L3MBTL4: variants seen among roughly 807,000 people sequenced by gnomAD.
L3MBTL4 encodes lethal(3)malignant brain tumor-like protein 4.
Under a neutral mutation model 84.5 loss-of-function variants are expected in L3MBTL4, and 70 were observed. The observed-to-expected ratio is 0.83, with a 90% CI of 0.68 to 1.01. The LOEUF (loss-of-function observed/expected upper bound fraction) is 1.01. Among genes scored for constraint, L3MBTL4 ranks in the 50% least tolerant of loss-of-function variants. The probability of loss-of-function intolerance (pLI) is 0.00; values close to 1 mark genes in which losing one functional copy is unlikely to be tolerated. For missense variants in L3MBTL4, 715 were observed against 754.8 expected, an observed-to-expected ratio of 0.95 and a Z score of 0.62; for synonymous variants, 274 against 259.8, an observed-to-expected ratio of 1.05 and a Z score of -0.52.
At chr18:6,289,309 A>T (rs957190371) in intron 4 of L3MBTL4, among the ~76,000 whole-genome samples, 2 of 152,192 alleles carry the variant, frequency 1.3e-5, no homozygotes, top group African/African-American at 4.8e-5. Context: ...CTGATACAGG[A>T]CCAGAGTCTA....
At position 6,131,240 on chromosome 18, in the gene L3MBTL4, G is replaced by A. The variant is rs113460192; in HGVS notation, c.1199+6954C>T. On this transcript the variant is annotated intron_variant, in intron 14 of 18. Transcript: ENST00000317931. ...TGCTTGCAAGCACTCCACTGCCTGG[G>A]AGCATTTTCTAGAAAAGCAGCTGAA... 6.1e-3 allele frequency among the ~76,000 whole-genome samples: 933 copies of A among 152,210 alleles called. 5 individuals carry two copies. Among genetic ancestry groups the A allele is most frequent in the Non-Finnish European group, 0.01 (681 of 68,020 alleles).
At chr18:6,043,302 G>A (rs2056481115) in intron 16 of L3MBTL4, among the ~76,000 whole-genome samples, 1 of 151,948 alleles carries the variant, frequency 6.6e-6, no homozygotes, top group South Asian at 2.1e-4. Flanking sequence ...ACAAAGGCCA[G>A]ACTCTCCCTG....
chr18:6,192,327 G>A (rs1026980179), intron 12 of L3MBTL4, among the ~76,000 whole-genome samples: 1 of 152,208 alleles, frequency 6.6e-6, no homozygotes, highest in Non-Finnish European at 1.5e-5. Flanking sequence ...GGATAAGGAA[G>A]AGCAGTGAGT....
chr18:6,228,392 T>C (rs534823663), intron 10 of L3MBTL4, among the ~76,000 whole-genome samples: 6 of 152,270 alleles, frequency 3.9e-5, no homozygotes, highest in African/African-American at 1.2e-4. Flanking sequence ...AATTAATTAA[T>C]TGGGCATCAT....
rs535139041 is a variant in L3MBTL4 at position 6,375,242 on chromosome 18, C to T, written c.-91+39559G>A. Among the ~76,000 whole-genome samples, 7 of 152,172 alleles carry T rather than the reference C, an allele frequency of 4.6e-5. No homozygotes were observed. In the South Asian group the frequency reaches 6.2e-4, roughly 14 times the overall value. ...CATATGTGGACCTAAAATGCCTCTA[C>T]GGCTTGGCTCTCTCTCCCCCATTTA... On this transcript the variant is annotated intron_variant, in intron 1 of 18. Coordinates refer to ENST00000317931, the MANE Select transcript of L3MBTL4 (RefSeq NM_001330559.2).
intron 16 of L3MBTL4, among the ~76,000 whole-genome samples, chr18:6,072,339 C>T (rs2057688381): frequency 6.6e-6 from 1 of 151,816 alleles, no homozygotes; most frequent in South Asian, 2.1e-4. Flanking sequence ...GAATAAAATT[C>T]AAAATCAATA....
At chr18:5,997,037 G>A (rs1269581164) in intron 16 of L3MBTL4, among the ~76,000 whole-genome samples, 2 of 141,988 alleles carry the variant, frequency 1.4e-5, no homozygotes, top group East Asian at 3.9e-4. Context: ...ACCAATTGCA[G>A]GTTGAAAATA....
chr18:6,241,451 T>G lies in L3MBTL4; in HGVS notation c.461-2A>C. The G allele has an allele frequency of 6.6e-7, 1 of 1,524,514 alleles. No homozygotes were observed. Among genetic ancestry groups the G allele is most frequent in the Non-Finnish European group, 9.0e-7 (1 of 1,109,378 alleles). The allele number at this position is 1,524,514 out of a possible 1,614,324, so 94.4% of individuals were successfully genotyped here. A position where few individuals can be genotyped will look rare whatever the true frequency, so the allele number is the denominator to read the frequency against. On this transcript the variant is annotated splice_acceptor_variant, in intron 7 of 18. Transcript: ENST00000317931. LOFTEE classifies it high-confidence loss of function. ...AAACAAATTTATCTTTTCTATAACC[T>G]AAAAAAAGCACAGATTACTCAAAAT...
At chr18:6,038,889 G>A (rs1192061714) in intron 16 of L3MBTL4, among the ~76,000 whole-genome samples, 2 of 152,054 alleles carry the variant, frequency 1.3e-5, no homozygotes, top group Non-Finnish European at 2.9e-5. Context: ...TTTTGGAGAT[G>A]AGGATTTGGG....
intron 14 of L3MBTL4, among the ~76,000 whole-genome samples, chr18:6,119,898 C>T (rs2059473521): frequency 6.6e-6 from 1 of 152,152 alleles, no homozygotes; most frequent in African/African-American, 2.4e-5. Context: ...ATAAAGGAAG[C>T]AAAAACAGAC....
Position 6,251,685 on chromosome 18 carries a change from T to C in L3MBTL4, c.220-7097A>G, listed in dbSNP as rs142379469. 2.0e-3 allele frequency among the ~76,000 whole-genome samples: 310 copies of C among 152,338 alleles called. 2 individuals are homozygous for C. The highest frequency in any genetic ancestry group is 7.1e-3 in the African/African-American group (295 of 41,576). ...TTAAAGACTTCATAATTTTTAACTT[T>C]TTATTTCATAATTATAAATATAATA... On this transcript the variant is annotated intron_variant, in intron 5 of 18. Transcript: ENST00000317931.
chr18:6,325,527 T>G (rs1406744328), intron 1 of L3MBTL4, among the ~76,000 whole-genome samples: 2 of 152,084 alleles, frequency 1.3e-5, no homozygotes, highest in Admixed American at 6.6e-5. Flanking sequence ...CAAAAGCCCT[T>G]AATATGTACC....
At chr18:6,141,481 A>G (rs1339507117) in intron 13 of L3MBTL4, among the ~76,000 whole-genome samples, 4 of 152,092 alleles carry the variant, frequency 2.6e-5, no homozygotes, top group Non-Finnish European at 4.4e-5. Context: ...TTCAAAGTCA[A>G]CATGTTCAGA....
Position 6,215,839 on chromosome 18 carries a change from A to T in L3MBTL4, c.785-4T>A. Reference sequence around the variant, plus strand: ...AAATTTTCTGGATTGGGATAACCTGAAAATATATATATATAAATAGCAAAA... The same window carrying T: ...AAATTTTCTGGATTGGGATAACCTGTAAATATATATATATAAATAGCAAAA... On this transcript the variant is annotated splice_region_variant and splice_polypyrimidine_tract_variant and intron_variant, in intron 10 of 18. Transcript: ENST00000317931. The T allele has an allele frequency of 6.7e-7, 1 of 1,490,676 alleles. No individual in the cohort carries two copies. The highest frequency in any genetic ancestry group is 9.3e-7 in the Non-Finnish European group (1 of 1,078,902). 92.3% of individuals were successfully genotyped at this position (1,490,676 alleles called of 1,614,324 possible).
At chr18:6,006,732 A>C (rs2054504118) in intron 16 of L3MBTL4, among the ~76,000 whole-genome samples, 1 of 152,204 alleles carries the variant, frequency 6.6e-6, no homozygotes, top group African/African-American at 2.4e-5. Flanking sequence ...TCAATAGTTA[A>C]ATAATGTGGC....
intron 10 of L3MBTL4, among the ~76,000 whole-genome samples, chr18:6,223,555 T>A (rs2046652068): frequency 6.6e-6 from 1 of 152,182 alleles, no homozygotes; most frequent in Admixed American, 6.5e-5. Flanking sequence ...TATGAACACA[T>A]GGATATGAGC....
intron 4 of L3MBTL4, among the ~76,000 whole-genome samples, chr18:6,298,330 C>T (rs1239318850): frequency 6.6e-6 from 1 of 152,126 alleles, no homozygotes; most frequent in Non-Finnish European, 1.5e-5. Context: ...TTCTTCTTAT[C>T]TGAATTACCT....
intron 16 of L3MBTL4, among the ~76,000 whole-genome samples, chr18:5,989,935 A>T (rs989330464): frequency 2.0e-5 from 3 of 152,214 alleles, no homozygotes; most frequent in African/African-American, 7.2e-5. Context: ...GTGAGGGCAC[A>T]AGGCAAGTAG....
chr18:6,353,290 A>G (rs926773737), intron 1 of L3MBTL4, among the ~76,000 whole-genome samples: 34 of 152,278 alleles, frequency 2.2e-4, no homozygotes, highest in Admixed American at 7.2e-4. Flanking sequence ...CAAAAAAAAA[A>G]AAAAATGCTT....
Sources: gnomAD v4.1 joint callset for allele counts (sites outside exome capture counted in the v4.1 genomes callset) on GRCh38, gnomAD v4.1.1 for gene constraint, MANE v1.5 for transcripts, NCBI Gene and HGNC (gene_info 2026-07-23, HGNC 2026-07-21) for gene names.